The following SRGAP3 variants were observed in gnomAD, a reference collection of about 807,000 sequenced individuals.
SRGAP3 encodes the protein SLIT-ROBO Rho GTPase-activating protein 3.
SRGAP3 carries 39 observed loss-of-function variants against 121.1 expected under a neutral mutation model. That is an observed-to-expected ratio of 0.32 (90% CI 0.25 to 0.42). The LOEUF (loss-of-function observed/expected upper bound fraction) is 0.42. SRGAP3 is among the 10% of genes least tolerant of loss of function. The pLI, the probability that SRGAP3 is intolerant of heterozygous loss-of-function variation, is 1.00. For synonymous variants in SRGAP3, 601 were observed against 570.0 expected, an observed-to-expected ratio of 1.05 and a Z score of -0.77; for missense variants, 1,213 against 1,470.6, an observed-to-expected ratio of 0.82 and a Z score of 2.86.
intron 3 of SRGAP3, among the ~76,000 whole-genome samples, chr3:9,313,384 A>G (rs973075549): frequency 1.1e-4 from 16 of 152,034 alleles, no homozygotes; most frequent in African/African-American, 3.6e-4. Flanking sequence ...ACATTTATCT[A>G]CTTTGAAAGG....
intron 12 of SRGAP3, 123 bp from the exon 13 acceptor site, chr3:9,027,118 A>G: frequency 2.2e-6 from 2 of 896,974 alleles, no homozygotes; most frequent in Middle Eastern, 2.1e-4. Flanking sequence ...TAGGAAAACA[A>G]GCAAGGAACT....
intron 3 of SRGAP3, among the ~76,000 whole-genome samples, chr3:9,298,331 A>G (rs1954988576): frequency 6.6e-6 from 1 of 152,244 alleles, no homozygotes; most frequent in African/African-American, 2.4e-5. Flanking sequence ...GTCTTTCCAC[A>G]GTAACAGAAG....
intron 21 of SRGAP3, 102 bp from the exon 22 acceptor site, chr3:8,986,034 C>A (rs1391028909): frequency 6.4e-7 from 1 of 1,572,512 alleles, no homozygotes; most frequent in Non-Finnish European, 8.6e-7. Flanking sequence ...TCCCCAGAAG[C>A]CTCGCGGCAG....
At position 9,009,438 on chromosome 3, in the gene SRGAP3, CAA is replaced by C. The variant is rs1281607819; in HGVS notation, c.2227+868_2227+869del. ...GCCTGCATGGGTCCCTTCCTCCATT[CAA>C]AAAAAAAGTTAAAAATTATATTTTA... On this transcript the variant is annotated intron_variant, in intron 18 of 21. Coordinates refer to ENST00000383836, the MANE Select transcript of SRGAP3 (RefSeq NM_014850.4). 2.0e-5 allele frequency among the ~76,000 whole-genome samples: 3 copies of C among 150,652 alleles called. No homozygotes were observed. In the East Asian group the frequency reaches 5.8e-4, roughly 29 times the overall value.
intron 1 of SRGAP3, among the ~76,000 whole-genome samples, chr3:9,244,901 G>A (rs567530111): frequency 2.6e-5 from 4 of 152,152 alleles, no homozygotes; most frequent in Non-Finnish European, 5.9e-5. Flanking sequence ...CTAGTGTATT[G>A]GAGAAACACA....
chr3:9,266,598 C>T lies in SRGAP3; in HGVS notation n.442+59412G>A, dbSNP rs116233545. 4.0e-3 allele frequency among the ~76,000 whole-genome samples: 608 copies of T among 152,258 alleles called. 1 individual carries two copies. Among genetic ancestry groups the T allele is most frequent in the Non-Finnish European group, 6.9e-3 (472 of 68,006 alleles). ...TTCTGATCATCTCTCGGCTCCACTC[C>T]CCACTCTCACTGGAGGCCTCCTTCC... On this transcript the variant is annotated intron_variant and non_coding_transcript_variant, in intron 3 of 3. Coordinates refer to the SRGAP3 transcript ENST00000490889.
intron 3 of SRGAP3, among the ~76,000 whole-genome samples, chr3:9,274,033 C>T (rs1443469256): frequency 1.3e-5 from 2 of 152,092 alleles, no homozygotes; most frequent in Non-Finnish European, 2.9e-5. Flanking sequence ...AAAGGTCTTC[C>T]ACTCTAATCT....
At chr3:8,994,921 G>C (rs1942298242) in intron 18 of SRGAP3, among the ~76,000 whole-genome samples, 1 of 151,866 alleles carries the variant, frequency 6.6e-6, no homozygotes. Context: ...AATACTTTTA[G>C]TAATTTTTAA....
chr3:9,019,759 G>C (rs1378794049), intron 14 of SRGAP3, among the ~76,000 whole-genome samples: 1 of 152,218 alleles, frequency 6.6e-6, no homozygotes, highest in Non-Finnish European at 1.5e-5. Flanking sequence ...AGTGTACAGA[G>C]CATGAGCCAG....
intron 1 of SRGAP3, among the ~76,000 whole-genome samples, chr3:9,184,100 G>C (rs1248649173): frequency 6.6e-6 from 1 of 152,134 alleles, no homozygotes; most frequent in Non-Finnish European, 1.5e-5. Context: ...CCTCTGTAAA[G>C]GGGCTTAAGG....
At chr3:9,288,170 T>C (rs1954810959) in intron 3 of SRGAP3, among the ~76,000 whole-genome samples, 1 of 148,162 alleles carries the variant, frequency 6.7e-6, no homozygotes, top group African/African-American at 2.5e-5. Context: ...GAGTTTCACT[T>C]CTTGTTGCCT....
At chr3:9,167,488 G>A (rs1472401226) in intron 1 of SRGAP3, among the ~76,000 whole-genome samples, 1 of 152,160 alleles carries the variant, frequency 6.6e-6, no homozygotes, top group Non-Finnish European at 1.5e-5. Flanking sequence ...CACACATGCT[G>A]ACATGCCCAC....
At chr3:9,241,610 G>GGAA (rs1192198976) in intron 1 of SRGAP3, among the ~76,000 whole-genome samples, 1 of 152,182 alleles carries the variant, frequency 6.6e-6, no homozygotes, top group African/African-American at 2.4e-5. Flanking sequence ...CAATAGAATA[G>GGAA]GAAGCGTGGA....
intron 3 of SRGAP3, among the ~76,000 whole-genome samples, chr3:9,325,764 A>G (rs939147896): frequency 2.6e-5 from 4 of 152,010 alleles, no homozygotes; most frequent in Non-Finnish European, 5.9e-5. Flanking sequence ...TTTATCTATT[A>G]AAGTATAAAG....
intron 2 of SRGAP3, among the ~76,000 whole-genome samples, chr3:9,107,415 T>C (rs2664073): frequency 0.7 from 105,895 of 152,188 alleles, 37,361 homozygotes; most frequent in African/African-American, 0.82. Context: ...TCCTCCAGTG[T>C]GTTCTGGGTA....
intron 1 of SRGAP3, among the ~76,000 whole-genome samples, chr3:9,354,999 C>A (rs1031423171): frequency 2.6e-5 from 4 of 152,184 alleles, no homozygotes; most frequent in Admixed American, 6.5e-5. Context: ...AACGAACATA[C>A]CATTTTTCTT....
At position 9,205,624 on chromosome 3, in the gene SRGAP3, C is replaced by T. The variant is rs921760158; in HGVS notation, c.67+43261G>A. ...CTGGTCCTATGTGCCTATCATTTCC[C>T]TGTGCTCAAGCAAACCAGGATAAAA... On this transcript the variant is annotated intron_variant, in intron 1 of 21. Coordinates refer to ENST00000383836, the MANE Select transcript of SRGAP3 (RefSeq NM_014850.4). Among the ~76,000 whole-genome samples, 4 of 152,216 alleles carry T rather than the reference C, an allele frequency of 2.6e-5. No individual in the cohort carries two copies. The South Asian group carries it at 6.2e-4, about 24-fold the overall frequency.
chr3:9,352,958 G>C (rs1475202274), intron 1 of SRGAP3, among the ~76,000 whole-genome samples: 2 of 152,226 alleles, frequency 1.3e-5, no homozygotes, highest in African/African-American at 4.8e-5. Flanking sequence ...CAGTACTACA[G>C]TCCCAAGGCC....
intron 3 of SRGAP3, among the ~76,000 whole-genome samples, chr3:9,305,895 C>T (rs1473391790): frequency 2.6e-5 from 4 of 152,176 alleles, no homozygotes; most frequent in Non-Finnish European, 5.9e-5. Context: ...TTTATAGTGG[C>T]ATGATTTATA....
Sources: allele counts gnomAD v4.1 joint callset (sites outside exome capture counted in the v4.1 genomes callset), GRCh38; gene constraint gnomAD v4.1.1; transcripts MANE v1.5; gene names NCBI Gene and HGNC (gene_info 2026-07-23, HGNC 2026-07-21).